Variants in ARL15 observed in about 807,000 individuals in gnomAD.
The protein encoded by ARL15 is ADP-ribosylation factor-like protein 15.
ARL15 carries 19 observed loss-of-function variants against 25.2 expected under a neutral mutation model. The ratio of observed to expected loss-of-function variants is 0.75; its 90% confidence interval spans 0.53 to 1.10. ARL15 has a LOEUF of 1.10. Among genes scored for constraint, ARL15 ranks in the 50% least tolerant of loss-of-function variants. The probability of loss-of-function intolerance (pLI) is 0.00; values close to 1 mark genes in which losing one functional copy is unlikely to be tolerated. For missense variants in ARL15, 220 were observed against 246.0 expected (o/e 0.89, Z 0.71); for synonymous variants, 94 against 86.8 (o/e 1.08, Z -0.46).
chr5:54,030,421 T>C (rs563043969), intron 4 of ARL15, among the ~76,000 whole-genome samples: 3 of 152,326 alleles, frequency 2.0e-5, no homozygotes, highest in African/African-American at 4.8e-5. Flanking sequence ...TGGAAGGACA[T>C]AAGATCAGAA....
chr5:54,252,008 A>G (rs1250018652), intron 1 of ARL15, among the ~76,000 whole-genome samples: 2 of 152,232 alleles, frequency 1.3e-5, no homozygotes, highest in Non-Finnish European at 2.9e-5. Context: ...ATAAATGAAA[A>G]AGACTAATTT....
chr5:54,157,639 C>T (rs1754279141), intron 2 of ARL15, among the ~76,000 whole-genome samples: 3 of 152,124 alleles, frequency 2.0e-5, no homozygotes, highest in Admixed American at 6.5e-5. Flanking sequence ...TCTCGATCTC[C>T]TGACCTCGTG....
chr5:53,933,384 C>T (rs376288895), intron 4 of ARL15, among the ~76,000 whole-genome samples: 5 of 151,990 alleles, frequency 3.3e-5, no homozygotes, highest in African/African-American at 7.2e-5. Context: ...CGGTGGCTCA[C>T]GCCTGTAATC....
intron 4 of ARL15, among the ~76,000 whole-genome samples, chr5:54,033,659 G>A (rs765225115): frequency 2.1e-4 from 30 of 143,576 alleles, no homozygotes; most frequent in Admixed American, 2.1e-4. Context: ...GCAACAGAGC[G>A]AGAATTCCAT....
chr5:54,178,279 C>T (rs533557425), intron 1 of ARL15, among the ~76,000 whole-genome samples: 2 of 152,180 alleles, frequency 1.3e-5, no homozygotes, highest in Middle Eastern at 3.2e-3. Flanking sequence ...ATCATGAATA[C>T]ATGATTTTAT....
intron 4 of ARL15, among the ~76,000 whole-genome samples, chr5:54,085,534 G>A (rs1751937933): frequency 6.6e-6 from 1 of 152,100 alleles, no homozygotes; most frequent in Non-Finnish European, 1.5e-5. Context: ...GACTAAAATT[G>A]CCAGTTGGTG....
intron 4 of ARL15, among the ~76,000 whole-genome samples, chr5:54,027,269 A>T (rs979014777): frequency 1.3e-5 from 2 of 152,244 alleles, no homozygotes; most frequent in African/African-American, 4.8e-5. Context: ...TGCACCACAC[A>T]AAACAAGCAA....
intron 4 of ARL15, among the ~76,000 whole-genome samples, chr5:54,045,282 T>C (rs1750471138): frequency 1.3e-5 from 2 of 152,160 alleles, no homozygotes; most frequent in South Asian, 4.1e-4. Context: ...ATAACAAAGC[T>C]GACTGCTTTA....
intron 4 of ARL15, among the ~76,000 whole-genome samples, chr5:54,004,761 G>C (rs4351101): frequency 6.6e-6 from 1 of 151,124 alleles, no homozygotes; most frequent in African/African-American, 2.4e-5. Flanking sequence ...GAGCATCTGC[G>C]ATTACATGTG....
chr5:54,112,123 T>C (rs1752759682), intron 4 of ARL15, among the ~76,000 whole-genome samples: 1 of 152,170 alleles, frequency 6.6e-6, no homozygotes, highest in Non-Finnish European at 1.5e-5. Flanking sequence ...TTGCCTTTCT[T>C]TTTTTTAAAC....
At chr5:54,232,482 C>A (rs1486404022) in intron 1 of ARL15, among the ~76,000 whole-genome samples, 2 of 152,166 alleles carry the variant, frequency 1.3e-5, no homozygotes, top group Non-Finnish European at 2.9e-5. Context: ...ACATTCGAAG[C>A]TCCCTTCCAC....
chr5:53,954,698 T>C (rs1004185056), intron 4 of ARL15, among the ~76,000 whole-genome samples: 5 of 152,192 alleles, frequency 3.3e-5, no homozygotes, highest in African/African-American at 4.8e-5. Flanking sequence ...AATAGACTCA[T>C]TTAATACTCA....
intron 4 of ARL15, among the ~76,000 whole-genome samples, chr5:54,010,869 G>A (rs763774154): frequency 2.7e-4 from 41 of 152,012 alleles, no homozygotes; most frequent in Non-Finnish European, 5.3e-4. Context: ...CTTGGTGGTG[G>A]GCGCCTGTAG....
chr5:53,926,940 C>CT (rs376508455), intron 4 of ARL15, among the ~76,000 whole-genome samples: 7,781 of 143,068 alleles, frequency 0.054, 264 homozygotes, highest in Middle Eastern at 0.1. Context: ...TCACCAAGAC[C>CT]TTTTTTTTTA....
intron 4 of ARL15, among the ~76,000 whole-genome samples, chr5:54,091,459 C>T (rs1752125627): frequency 6.6e-6 from 1 of 152,114 alleles, no homozygotes; most frequent in Non-Finnish European, 1.5e-5. Flanking sequence ...TGCTACAGAG[C>T]TGTAGTCTGT....
At chr5:54,166,958 T>TG (rs113811480) in intron 2 of ARL15, among the ~76,000 whole-genome samples, 1 of 151,926 alleles carries the variant, frequency 6.6e-6, no homozygotes, top group Non-Finnish European at 1.5e-5. Context: ...TGAGATGCAT[T>TG]ACATTACCAG....
At chr5:53,934,575 A>G (rs1746299354) in intron 4 of ARL15, among the ~76,000 whole-genome samples, 1 of 152,190 alleles carries the variant, frequency 6.6e-6, no homozygotes, top group Non-Finnish European at 1.5e-5. Flanking sequence ...TAGGGAGACC[A>G]GTTGCAATAG....
At chr5:54,101,686 T>C (rs914742810) in intron 4 of ARL15, among the ~76,000 whole-genome samples, 5 of 152,150 alleles carry the variant, frequency 3.3e-5, no homozygotes, top group African/African-American at 7.2e-5. Context: ...CCATTAACAG[T>C]AACAGGCCAT....
chr5:54,195,548 GAC>G (rs1755526117), intron 1 of ARL15, among the ~76,000 whole-genome samples: 1 of 151,946 alleles, frequency 6.6e-6, no homozygotes, highest in South Asian at 2.1e-4. Flanking sequence ...CACATATGAG[GAC>G]ACACACTTAA....
Sources: gnomAD v4.1 joint callset for allele counts (sites outside exome capture counted in the v4.1 genomes callset) on GRCh38, gnomAD v4.1.1 for gene constraint, MANE v1.5 for transcripts, NCBI Gene and HGNC (gene_info 2026-07-23, HGNC 2026-07-21) for gene names.